Variants in PEMT observed in about 807,000 individuals in gnomAD.
PEMT encodes the protein phosphatidylethanolamine N-methyltransferase.
A neutral mutation model predicts 27.4 loss-of-function variants in PEMT; 23 were observed. That is an observed-to-expected ratio of 0.84 (90% CI 0.60 to 1.19). The LOEUF (loss-of-function observed/expected upper bound fraction) is 1.19. Among genes scored for constraint, PEMT ranks in the 50% most tolerant of loss-of-function variants. The probability of loss-of-function intolerance (pLI) is 0.00; values close to 1 mark genes in which losing one functional copy is unlikely to be tolerated. For missense variants in PEMT, 307 were observed against 310.1 expected, an observed-to-expected ratio of 0.99 and a Z score of 0.07; for synonymous variants, 137 against 139.1, an observed-to-expected ratio of 0.98 and a Z score of 0.11.
chr17:17,543,352 C>A (rs1489795749), intron 2 of PEMT, among the ~76,000 whole-genome samples: 1 of 152,222 alleles, frequency 6.6e-6, no homozygotes, highest in African/African-American at 2.4e-5. Context: ...GGCTCAGTAC[C>A]AGGACCCAGC....
intron 2 of PEMT, among the ~76,000 whole-genome samples, chr17:17,540,677 G>T (rs900944259): frequency 3.3e-5 from 5 of 152,134 alleles, no homozygotes; most frequent in African/African-American, 1.2e-4. Flanking sequence ...CTCCAACAGG[G>T]TCCCCGCAGC....
chr17:17,567,418 C>A (rs1428088604), intron 2 of PEMT, among the ~76,000 whole-genome samples: 1 of 152,292 alleles, frequency 6.6e-6, no homozygotes, highest in African/African-American at 2.4e-5. Flanking sequence ...TGCTGCTGCC[C>A]AGCTCAGCTG....
At chr17:17,514,909 G>A (rs1906704572) in intron 3 of PEMT, among the ~76,000 whole-genome samples, 1 of 152,242 alleles carries the variant, frequency 6.6e-6, no homozygotes, top group Non-Finnish European at 1.5e-5. Flanking sequence ...GAACAGGGGA[G>A]AGCATTCCAG....
chr17:17,564,417 G>C (rs1372653779), intron 2 of PEMT, among the ~76,000 whole-genome samples: 1 of 152,110 alleles, frequency 6.6e-6, no homozygotes, highest in Non-Finnish European at 1.5e-5. Context: ...ATCCAGAATG[G>C]AAAGGACCTT....
chr17:17,562,457 C>G (rs1910554858), intron 2 of PEMT, among the ~76,000 whole-genome samples: 1 of 152,174 alleles, frequency 6.6e-6, no homozygotes, highest in Non-Finnish European at 1.5e-5. Context: ...CCCCTCAAGA[C>G]AGCTGCACTC....
intron 2 of PEMT, among the ~76,000 whole-genome samples, chr17:17,542,923 G>A (rs1908989680): frequency 1.3e-5 from 2 of 152,230 alleles, no homozygotes; most frequent in South Asian, 4.1e-4. Context: ...ACACTGCCGG[G>A]TCTAGAGGAC....
chr17:17,543,839 G>T (rs911664087), intron 2 of PEMT, among the ~76,000 whole-genome samples: 1 of 152,162 alleles, frequency 6.6e-6, no homozygotes, highest in Non-Finnish European at 1.5e-5. Context: ...TTGGGATTAC[G>T]GGCGTGAGCC....
At chr17:17,507,052 ACAC>A in intron 5 of PEMT, 1 of 994,944 alleles carries the variant, frequency 1.0e-6, no homozygotes, top group Non-Finnish European at 1.5e-6. Flanking sequence ...TGACCCCGCC[ACAC>A]CAGTAAGCAG....
chr17:17,571,907 C>T (rs935563117), intron 2 of PEMT, among the ~76,000 whole-genome samples: 3 of 152,160 alleles, frequency 2.0e-5, no homozygotes, highest in African/African-American at 2.4e-5. Context: ...CCACGTTGCC[C>T]GGGCTGGTTT....
chr17:17,581,070 G>A (rs553840235), intron 1 of PEMT, among the ~76,000 whole-genome samples: 2 of 152,274 alleles, frequency 1.3e-5, no homozygotes, highest in South Asian at 4.1e-4. Context: ...AGGGACAGAG[G>A]GCATTTTCCA....
intron 2 of PEMT, among the ~76,000 whole-genome samples, chr17:17,540,558 C>A (rs1908806532): frequency 1.3e-5 from 2 of 152,188 alleles, no homozygotes; most frequent in Non-Finnish European, 2.9e-5. Context: ...ACCAGCCAGA[C>A]CCCCAGAACC....
At chr17:17,558,193 C>T (rs1224037150) in intron 2 of PEMT, among the ~76,000 whole-genome samples, 1 of 151,868 alleles carries the variant, frequency 6.6e-6, no homozygotes, top group Non-Finnish European at 1.5e-5. Context: ...CATACAAACA[C>T]ACACACACAC....
At position 17,576,950 on chromosome 17, in the gene PEMT, G is replaced by A; in HGVS notation, c.174C>T (p.Thr58=). 1 of 1,613,978 alleles carries A rather than the reference G, an allele frequency of 6.2e-7. No individual in the cohort carries two copies. Among genetic ancestry groups the A allele is most frequent in the Non-Finnish European group, 8.5e-7 (1 of 1,179,894 alleles). The change falls in exon 2 of 7, where the codon ACC becomes ACT. Residue 58 remains threonine, a synonymous_variant. Coordinates refer to ENST00000255389, the MANE Select transcript of PEMT (RefSeq NM_148172.3). ...TCCAGTAGAGCGGATTGAAGGTGAT[G>A]GTGATGACGGCAGCCACAAAGCTGG... ...LDPSFVAAVI[T]ITFNPLYWNV... is the part of the protein sequence containing the mutation.
chr17:17,508,154 G>C (rs554948562), intron 5 of PEMT: 1 of 152,808 alleles, frequency 6.5e-6, no homozygotes, highest in African/African-American at 2.4e-5. Context: ...ACACAGAGGA[G>C]AGGGGGGAGC....
intron 2 of PEMT, among the ~76,000 whole-genome samples, chr17:17,543,648 C>T (rs1012679894): frequency 3.3e-5 from 5 of 152,098 alleles, no homozygotes; most frequent in Non-Finnish European, 5.9e-5. Flanking sequence ...CTGCAAACTT[C>T]GCCTCCCAGG....
chr17:17,542,722 C>T (rs1002593639), intron 2 of PEMT, among the ~76,000 whole-genome samples: 3 of 152,202 alleles, frequency 2.0e-5, no homozygotes, highest in Non-Finnish European at 2.9e-5. Flanking sequence ...ATGAGATCCT[C>T]GCCTGGGCTC....
chr17:17,585,180 A>C (rs530868840), intron 1 of PEMT, among the ~76,000 whole-genome samples: 18 of 152,248 alleles, frequency 1.2e-4, no homozygotes, highest in Non-Finnish European at 2.5e-4. Flanking sequence ...TCCACTAAAC[A>C]TACAAAAATT....
intron 4 of PEMT, among the ~76,000 whole-genome samples, chr17:17,511,821 C>T (rs987092615): frequency 1.3e-5 from 2 of 151,378 alleles, no homozygotes; most frequent in African/African-American, 4.9e-5. Flanking sequence ...CCCCTCCCAC[C>T]CCGACCCCTA....
At chr17:17,524,926 G>A (rs868400162) in intron 2 of PEMT, among the ~76,000 whole-genome samples, 42 of 152,090 alleles carry the variant, frequency 2.8e-4, no homozygotes, top group Middle Eastern at 3.2e-3. Flanking sequence ...TGGCTAACAC[G>A]GTGAAACCCT....
Sources: gnomAD v4.1 joint callset for allele counts (sites outside exome capture counted in the v4.1 genomes callset) on GRCh38, gnomAD v4.1.1 for gene constraint, MANE v1.5 for transcripts, NCBI Gene and HGNC (gene_info 2026-07-23, HGNC 2026-07-21) for gene names.